Variants in MNAT1 observed in about 807,000 individuals in gnomAD.
The protein encoded by MNAT1 is MNAT1 component of CDK activating kinase.
In MNAT1, 43 loss-of-function variants were observed where a neutral mutation model predicts 42.0. The observed-to-expected ratio is 1.02, with a 90% CI of 0.80 to 1.32. The LOEUF (loss-of-function observed/expected upper bound fraction) is 1.32, where lower values mean the gene tolerates loss of function less well. Ranked by LOEUF, MNAT1 falls within the 40% of genes most tolerant of loss-of-function variation. The probability of loss-of-function intolerance (pLI) is 0.00; values close to 1 mark genes in which losing one functional copy is unlikely to be tolerated. For synonymous variants in MNAT1, 118 were observed against 120.0 expected (o/e 0.98, Z 0.11); for missense variants, 306 against 350.4 (o/e 0.87, Z 1.01).
chr14:60,767,473 A>G (rs1212830873), intron 1 of MNAT1, among the ~76,000 whole-genome samples: 1 of 152,228 alleles, frequency 6.6e-6, no homozygotes, highest in African/African-American at 2.4e-5. Flanking sequence ...CTTAAGATAC[A>G]TAGAGGATGG....
chr14:60,942,766 T>C (rs552884745), intron 7 of MNAT1, among the ~76,000 whole-genome samples: 1 of 152,282 alleles, frequency 6.6e-6, no homozygotes, highest in East Asian at 1.9e-4. Context: ...TTAAAGCTTC[T>C]TTAACATATG....
rs188051531 is a variant in MNAT1, at chr14:60,767,101, A to G, written c.90-29116A>G. 2.4e-4 allele frequency among the ~76,000 whole-genome samples: 36 copies of G among 152,378 alleles called. No individual in the cohort carries two copies. The East Asian group carries it at 3.9e-3, about 16-fold the overall frequency. On this transcript the variant is annotated intron_variant, in intron 1 of 7. Transcript: ENST00000261245. The stretch of plus-strand genomic sequence containing the variant: ...TATAGTAAACATTTTTAATATAGGA[A>G]CAGCTCAGGGAAATGGTTTCCATAT...
At chr14:60,806,825 A>G (rs762038758) in intron 3 of MNAT1, among the ~76,000 whole-genome samples, 1 of 152,226 alleles carries the variant, frequency 6.6e-6, no homozygotes, top group Non-Finnish European at 1.5e-5. Flanking sequence ...TACAAGAGGT[A>G]GATTTTGAGT....
chr14:60,837,380 G>A (rs1262228532), intron 6 of MNAT1, among the ~76,000 whole-genome samples: 2 of 152,218 alleles, frequency 1.3e-5, no homozygotes, highest in Non-Finnish European at 2.9e-5. Flanking sequence ...TTGGTCTGTG[G>A]GTTGCAAAGA....
At chr14:60,754,906 T>G (rs1381015997) in intron 1 of MNAT1, among the ~76,000 whole-genome samples, 1 of 152,230 alleles carries the variant, frequency 6.6e-6, no homozygotes, top group Non-Finnish European at 1.5e-5. Context: ...TTTGAGAAAC[T>G]AATTCTTTAT....
In MNAT1 at chr14:60,969,827, T is replaced by C. The variant is rs973098839; in HGVS notation, c.*1478T>C. 3.9e-5 allele frequency: 6 copies of C among 152,210 alleles called. No homozygotes were observed. Among genetic ancestry groups the C allele is most frequent in the African/African-American group, 7.2e-5 (3 of 41,452 alleles). 9.4% of individuals were successfully genotyped at this position (152,210 alleles called of 1,614,324 possible). A position where few individuals can be genotyped will look rare whatever the true frequency, so the allele number is the denominator to read the frequency against. On this transcript the variant is annotated 3_prime_UTR_variant, in exon 8 of 8. Coordinates refer to ENST00000261245, the MANE Select transcript of MNAT1 (RefSeq NM_002431.4). ...CTACTGCTTGTTCTCATACCTTTTA[T>C]AAATGTATTTTAAAAAGAATGAACT...
intron 7 of MNAT1, among the ~76,000 whole-genome samples, chr14:60,894,959 T>C (rs2034921646): frequency 6.6e-6 from 1 of 152,224 alleles, no homozygotes; most frequent in Non-Finnish European, 1.5e-5. Flanking sequence ...AGTAGTGATA[T>C]CAGAATTGCT....
At chr14:60,829,400 A>G (rs1272595194) in intron 6 of MNAT1, among the ~76,000 whole-genome samples, 1 of 152,196 alleles carries the variant, frequency 6.6e-6, no homozygotes, top group Non-Finnish European at 1.5e-5. Context: ...GGATATTTAA[A>G]TGAAAACACT....
intron 6 of MNAT1, among the ~76,000 whole-genome samples, chr14:60,861,984 TA>T (rs1452880211): frequency 6.6e-6 from 1 of 152,190 alleles, no homozygotes; most frequent in Non-Finnish European, 1.5e-5. Context: ...GAAGTGTTTT[TA>T]AAATGTTATG....
chr14:60,812,160 A>T (rs1020491179), intron 5 of MNAT1, 33 bp downstream of exon 5: 11 of 1,491,192 alleles, frequency 7.4e-6, no homozygotes, highest in African/African-American at 2.8e-5. Context: ...ATTGTAAAAA[A>T]CATTCTTCAG....
At chr14:60,930,206 T>TTTTTTATTATTATTA (rs71449542) in intron 7 of MNAT1, among the ~76,000 whole-genome samples, 4 of 138,750 alleles carry the variant, frequency 2.9e-5, no homozygotes, top group Non-Finnish European at 4.6e-5. Flanking sequence ...TTCTTCCGTC[T>TTTTTTATTATTATTA]TTATTATTAT....
intron 7 of MNAT1, among the ~76,000 whole-genome samples, chr14:60,933,001 G>C (rs1262432333): frequency 6.6e-6 from 1 of 151,954 alleles, no homozygotes; most frequent in African/African-American, 2.4e-5. Context: ...TTCAAATCTT[G>C]GCTGTTTTGC....
chr14:60,872,835 TAC>T (rs200338598), intron 6 of MNAT1, among the ~76,000 whole-genome samples: 6,405 of 146,900 alleles, frequency 0.044, 309 homozygotes, highest in East Asian at 0.14. Flanking sequence ...CACACACACA[TAC>T]ACACACACAC....
At chr14:60,781,810 C>G (rs2031469967) in intron 1 of MNAT1, among the ~76,000 whole-genome samples, 1 of 151,842 alleles carries the variant, frequency 6.6e-6, no homozygotes, top group Non-Finnish European at 1.5e-5. Context: ...GTTTTTTTCT[C>G]TCCTTATCTA....
chr14:60,897,420 T>C (rs1232680884), intron 7 of MNAT1, among the ~76,000 whole-genome samples: 2 of 152,136 alleles, frequency 1.3e-5, no homozygotes, highest in African/African-American at 4.8e-5. Context: ...AAGAATGACT[T>C]CTCTAATATG....
intron 7 of MNAT1, among the ~76,000 whole-genome samples, chr14:60,888,578 G>C (rs949683372): frequency 1.3e-5 from 2 of 151,458 alleles, no homozygotes; most frequent in Non-Finnish European, 1.5e-5. Context: ...ATTCAACATA[G>C]TGTTGGAAGT....
At chr14:60,791,032 T>G (rs918562213) in intron 1 of MNAT1, among the ~76,000 whole-genome samples, 2 of 152,144 alleles carry the variant, frequency 1.3e-5, no homozygotes, top group Admixed American at 1.3e-4. Flanking sequence ...ACAAACCCAT[T>G]TTTTTGAAAG....
chr14:60,913,707 C>T lies in MNAT1; in HGVS notation c.809+33872C>T, dbSNP rs557340439. On this transcript the variant is annotated intron_variant, in intron 7 of 7. Coordinates refer to ENST00000261245, the MANE Select transcript of MNAT1 (RefSeq NM_002431.4). ...CTGGAAGTTTTGTCTCAGAGGAGTA[C>T]CCAGCCGTGTGAGGTGTCAGTCTGC... 9.9e-5 allele frequency among the ~76,000 whole-genome samples: 15 copies of T among 152,202 alleles called. No homozygotes were observed. In the East Asian group the frequency reaches 1.9e-3, roughly 20 times the overall value.
chr14:60,934,655 C>G (rs139520547), intron 7 of MNAT1, among the ~76,000 whole-genome samples: 26 of 152,334 alleles, frequency 1.7e-4, no homozygotes, highest in Non-Finnish European at 3.4e-4. Flanking sequence ...CCATGTAGAA[C>G]TATAAGTGCA....
Sources: allele counts gnomAD v4.1 joint callset (sites outside exome capture counted in the v4.1 genomes callset), GRCh38; gene constraint gnomAD v4.1.1; transcripts MANE v1.5; gene names NCBI Gene and HGNC (gene_info 2026-07-23, HGNC 2026-07-21).